DHDDS: variants seen among roughly 807,000 people sequenced by gnomAD.
DHDDS encodes the protein dehydrodolichyl diphosphate synthase complex subunit DHDDS.
DHDDS carries 16 observed loss-of-function variants against 46.2 expected under a neutral mutation model. The observed-to-expected ratio is 0.35, with a 90% confidence interval of 0.23 to 0.53. The LOEUF is 0.53. Among genes scored for constraint, DHDDS ranks in the 20% least tolerant of loss-of-function variants. The pLI is 0.94. For synonymous variants in DHDDS, 151 were observed against 163.1 expected (o/e 0.93, Z 0.56); for missense variants, 340 against 423.7 (o/e 0.80, Z 1.73).
At chr1:26,468,811 G>GCCCCCCCCCCAACCACC in intron 8 of DHDDS, 84 bp from the exon 9 acceptor site, 2 of 637,982 alleles carry the variant, frequency 3.1e-6, no homozygotes, top group Non-Finnish European at 5.2e-6. Flanking sequence ...CCCACCCTGT[G>GCCCCCCCCCCAACCACC]CCCCACCCCC....
chr1:26,459,999 A>G (rs2075406123), intron 7 of DHDDS, 38 bp from the exon 8 acceptor site: 1 of 1,547,504 alleles, frequency 6.5e-7, no homozygotes, highest in Non-Finnish European at 8.9e-7. Context: ...GCCCAGCAAC[A>G]TGTTACTAAA....
chr1:26,467,458 G>A, intron 8 of DHDDS: 1 of 419,750 alleles, frequency 2.4e-6, no homozygotes, highest in South Asian at 1.7e-5. Flanking sequence ...GGAGCCGGGG[G>A]GGACAGTCCA....
intron 6 of DHDDS, chr1:26,454,723 C>G (rs990933241): frequency 1.3e-6 from 2 of 1,588,446 alleles, no homozygotes; most frequent in African/African-American, 2.7e-5. Flanking sequence ...TAGGAACAAT[C>G]TGTTCCTTTT....
At chr1:26,451,019 C>T (rs539443094) in intron 6 of DHDDS, among the ~76,000 whole-genome samples, 1 of 152,234 alleles carries the variant, frequency 6.6e-6, no homozygotes, top group Non-Finnish European at 1.5e-5. Flanking sequence ...GCTTTACCCT[C>T]ATACCACATT....
At chr1:26,462,674 A>T (rs2075436365) in intron 8 of DHDDS, 2 of 152,180 alleles carry the variant, frequency 1.3e-5, no homozygotes, top group Admixed American at 6.5e-5. Context: ...TTTACCTCTA[A>T]TTGGGCTGCT....
At chr1:26,436,509 C>T (rs1180502867) in intron 2 of DHDDS, among the ~76,000 whole-genome samples, 1 of 151,906 alleles carries the variant, frequency 6.6e-6, no homozygotes, top group African/African-American at 2.4e-5. Flanking sequence ...CTGCAAGCTC[C>T]GCCTCCCGGG....
At chr1:26,458,819 G>A (rs1210622271) in intron 7 of DHDDS, among the ~76,000 whole-genome samples, 5 of 151,866 alleles carry the variant, frequency 3.3e-5, no homozygotes, top group South Asian at 2.1e-4. Flanking sequence ...CTCAGATCAC[G>A]TTTGGGAAGT....
At chr1:26,465,091 G>A (rs1356212444) in intron 8 of DHDDS, among the ~76,000 whole-genome samples, 1 of 152,092 alleles carries the variant, frequency 6.6e-6, no homozygotes, top group African/African-American at 2.4e-5. Context: ...CCAGGGAGGG[G>A]GTGTGCGGCA....
At chr1:26,436,406 TTTG>T (rs2075155796) in intron 2 of DHDDS, among the ~76,000 whole-genome samples, 1 of 19,350 alleles carries the variant, frequency 5.2e-5, no homozygotes, top group African/African-American at 1.1e-4. Flanking sequence ...CTCTGTTTTG[TTTG>T]TTTGTTTGTT....
rs2075267226 is a variant in DHDDS at position 26,446,304 on chromosome 1, TTCCC to T, written c.324-10_324-7del. ...GGGCCCTATCCCAATGCTGCCTCTT[TTCCC>T]TGATCAGGGAGAAACTGCAGAAGCA... is the stretch of plus-strand genomic sequence containing the variant. On this transcript the variant is annotated splice_region_variant and splice_polypyrimidine_tract_variant and intron_variant, in intron 4 of 8. Coordinates refer to ENST00000236342, the MANE Select transcript of DHDDS (RefSeq NM_205861.3). 6.2e-7 allele frequency: 1 copy of T among 1,612,438 alleles called. No individual in the cohort carries two copies. Among genetic ancestry groups the T allele is most frequent in the East Asian group, 2.2e-5 (1 of 44,836 alleles).
chr1:26,444,693 A>G (rs78200808), intron 4 of DHDDS, among the ~76,000 whole-genome samples: 3,617 of 152,264 alleles, frequency 0.024, 134 homozygotes, highest in African/African-American at 0.082. Flanking sequence ...TGAGGCTGCA[A>G]TGAGCTGTGA....
At position 26,469,060 on chromosome 1, in the gene DHDDS, C is replaced by A. The variant is rs766979392; in HGVS notation, c.931C>A (p.Gln311Lys). ...KLSARREERV[Q>K]GFLQALELKR... Reference sequence around the variant, plus strand: ...CTCGGCCAGACGGGAAGAGCGAGTCCAAGGCTTCCTGCAGGCCTTGGAACT... The same window carrying A: ...CTCGGCCAGACGGGAAGAGCGAGTCAAAGGCTTCCTGCAGGCCTTGGAACT... The change falls in exon 9 of 9, where the codon CAA becomes AAA. Residue 311 changes from glutamine (Q) to lysine (K), a missense_variant. Around this residue, in one of 2 missense-constraint regions of DHDDS, gnomAD observed 268 missense variants for 300.3 expected, o/e 0.89. Coordinates refer to ENST00000236342, the MANE Select transcript of DHDDS (RefSeq NM_205861.3). 6.2e-7 allele frequency: 1 copy of A among 1,613,758 alleles called. No individual in the cohort carries two copies. The highest frequency in any genetic ancestry group is 8.5e-7 in the Non-Finnish European group (1 of 1,180,040).
At chr1:26,436,362 C>G (rs2075154889) in intron 2 of DHDDS, among the ~76,000 whole-genome samples, 1 of 152,054 alleles carries the variant, frequency 6.6e-6, no homozygotes, top group Admixed American at 6.6e-5. Context: ...GATAACACCA[C>G]CACACTCCAT....
intron 8 of DHDDS, 88 bp from the exon 9 acceptor site, chr1:26,468,807 C>CAG: frequency 5.1e-6 from 6 of 1,186,212 alleles, no homozygotes; most frequent in East Asian, 2.9e-5. Context: ...TTGGCCCACC[C>CAG]TGTGCCCCAC....
chr1:26,438,282 G>A lies in DHDDS; in HGVS notation c.178G>A (p.Glu60Lys), dbSNP rs2075181929. ...GHSQGFNKLA[E>K]TLRWCLNLGI... ...CTCACAGGGCTTCAACAAGCTAGCT[G>A]AGGTGGGTGTGTATGGCAGAGCCCA... The change falls in exon 3 of 9, where the codon GAG becomes AAG. Residue 60 changes from glutamate (E) to lysine (K), a missense_variant and splice_region_variant. Glu to Lys is a moderately conservative substitution (Grantham distance 56, BLOSUM62 1). Transcript: ENST00000236342. The A allele has an allele frequency of 6.2e-7, 1 of 1,613,836 alleles. No individual in the cohort carries two copies. Among genetic ancestry groups the A allele is most frequent in the East Asian group, 2.2e-5 (1 of 44,880 alleles).
chr1:26,471,156 T>G lies in DHDDS; in HGVS notation c.*2025T>G, dbSNP rs1399693203. The stretch of plus-strand genomic sequence containing the variant: ...GGTTGCTTTGGACAGGTGTGATTTG[T>G]GCAAGCCAGGTTCAACCCTTGCCTC... On this transcript the variant is annotated 3_prime_UTR_variant, in exon 9 of 9. Coordinates refer to ENST00000236342, the MANE Select transcript of DHDDS (RefSeq NM_205861.3). The G allele has an allele frequency of 6.6e-6, 1 of 152,210 alleles. No homozygotes were observed. Among genetic ancestry groups the G allele is most frequent in the Non-Finnish European group, 1.5e-5 (1 of 68,048 alleles). The allele number at this position is 152,210 out of a possible 1,614,324, so 9.4% of individuals were successfully genotyped here.
At chr1:26,432,558 G>T in intron 1 of DHDDS, 182 bp downstream of exon 1, 1 of 299,542 alleles carries the variant, frequency 3.3e-6, no homozygotes, top group Non-Finnish European at 6.5e-6. Flanking sequence ...CAGCTTAGGG[G>T]AAGATGGAGA....
At chr1:26,451,518 C>T (rs1005946184) in intron 6 of DHDDS, among the ~76,000 whole-genome samples, 4 of 151,684 alleles carry the variant, frequency 2.6e-5, no homozygotes, top group East Asian at 1.9e-4. Context: ...TGCAGTGGCA[C>T]GCTCTCAACT....
chr1:26,434,352 T>G (rs1457814581), intron 2 of DHDDS, among the ~76,000 whole-genome samples: 1 of 152,194 alleles, frequency 6.6e-6, no homozygotes, highest in African/African-American at 2.4e-5. Flanking sequence ...GTCAGTAACC[T>G]TTATACAAGC....
Sources: allele counts gnomAD v4.1 joint callset (sites outside exome capture counted in the v4.1 genomes callset), GRCh38; gene constraint gnomAD v4.1.1; regional missense constraint gnomAD v4.1.1; transcripts MANE v1.5; gene names NCBI Gene and HGNC (gene_info 2026-07-23, HGNC 2026-07-21).